PROCA1: variants seen among roughly 807,000 people sequenced by gnomAD.
PROCA1 encodes protein interacting with cyclin A1, also known as protein PROCA1.
In PROCA1, 22 loss-of-function variants were observed where a neutral mutation model predicts 23.2. That is an observed-to-expected ratio of 0.95 (90% CI 0.68 to 1.35). PROCA1 has a LOEUF of 1.35. PROCA1 is among the 40% of genes most tolerant of loss of function. PROCA1 has a pLI of 0.00. For missense variants in PROCA1, 469 were observed against 459.8 expected (o/e 1.02, Z -0.18); for synonymous variants, 182 against 179.2 (o/e 1.02, Z -0.12).
At chr17:28,704,883 G>GA (rs771342214) in intron 2 of PROCA1, 40 bp from the exon 3 acceptor site, 1 of 1,599,870 alleles carries the variant, frequency 6.3e-7, no homozygotes, top group Admixed American at 1.7e-5. Context: ...AGCAGCCGCA[G>GA]ACCTCTGGGT....
chr17:28,707,698 ACAT>A (rs1195104947), intron 1 of PROCA1: 4 of 152,206 alleles, frequency 2.6e-5, no homozygotes, highest in African/African-American at 9.6e-5. Flanking sequence ...CAGGCTATAG[ACAT>A]CATAAAACAA....
At chr17:28,709,285 T>C (rs558875274) in intron 1 of PROCA1, among the ~76,000 whole-genome samples, 1 of 152,072 alleles carries the variant, frequency 6.6e-6, no homozygotes, top group East Asian at 2.0e-4. Context: ...TGAGAGAGTC[T>C]GGCTGTGTCG....
At chr17:28,708,731 G>GAAAAAAAAAAACA (rs1555553138) in intron 1 of PROCA1, among the ~76,000 whole-genome samples, 3 of 100,980 alleles carry the variant, frequency 3.0e-5, no homozygotes, top group Non-Finnish European at 6.1e-5. Context: ...CCAGAAAAAG[G>GAAAAAAAAAAACA]AAAAAAAAAA....
rs1364755895 is a variant in PROCA1 at position 28,706,736 on chromosome 17, C to T, written c.119G>A (p.Arg40Lys). The T allele has an allele frequency of 7.7e-7, 1 of 1,303,718 alleles. No individual in the cohort carries two copies. Among genetic ancestry groups the T allele is most frequent in the Non-Finnish European group, 1.0e-6 (1 of 988,896 alleles). The allele number at this position is 1,303,718 out of a possible 1,614,324, so 80.8% of individuals were successfully genotyped here. Residue 40 changes from arginine (R) to lysine (K), a missense_variant, in exon 2 of 5, where the codon AGA becomes AAA. Physicochemically the swap from Arg to Lys is conservative, Grantham distance 26. Coordinates refer to ENST00000682792, the MANE Select transcript of PROCA1 (RefSeq NM_001366301.1). ...CGCCACACCAGCCAGCAGATGTCCTCTCTCCCAGCTGGGTAACCTGTTTAC... is the reference window on the plus strand; with the variant it reads ...CGCCACACCAGCCAGCAGATGTCCTTTCTCCCAGCTGGGTAACCTGTTTAC... The part of the protein sequence containing the change: ...RDVNRLPSWE[R>K]GHLLAGVASS...
intron 1 of PROCA1, 63 bp downstream of exon 1, chr17:28,711,507 C>A: frequency 7.1e-7 from 1 of 1,400,034 alleles, no homozygotes; most frequent in South Asian, 1.3e-5. Flanking sequence ...TTCCCGCGTG[C>A]GCCGCTCGGG....
Position 28,703,257 on chromosome 17 carries a change from G to T in PROCA1, c.*301C>A, listed in dbSNP as rs1028750189. ...GCAGACAGTACTGCCTGTCCCAGAA[G>T]TGGATTTCACACAGACCAGTCTCTC... On this transcript the variant is annotated 3_prime_UTR_variant, in exon 5 of 5. Coordinates refer to ENST00000682792, the MANE Select transcript of PROCA1 (RefSeq NM_001366301.1). The T allele has an allele frequency of 5.0e-6, 2 of 398,860 alleles. No individual in the cohort carries two copies. Among genetic ancestry groups the T allele is most frequent in the East Asian group, 9.1e-5 (2 of 21,878 alleles). 24.7% of individuals were successfully genotyped at this position (398,860 alleles called of 1,614,324 possible). A position where few individuals can be genotyped will look rare whatever the true frequency, so the allele number is the denominator to read the frequency against.
intron 2 of PROCA1, chr17:28,705,066 C>T: frequency 2.0e-6 from 1 of 502,786 alleles, no homozygotes; most frequent in Non-Finnish European, 3.6e-6. Context: ...AAGCCCCCTG[C>T]AGTCCTGTGA....
At chr17:28,708,922 G>A (rs1055716347) in intron 1 of PROCA1, among the ~76,000 whole-genome samples, 7 of 152,104 alleles carry the variant, frequency 4.6e-5, no homozygotes, top group Non-Finnish European at 8.8e-5. Flanking sequence ...CTGAGCCCAG[G>A]GAGATCGAGG....
chr17:28,704,134 A>G lies in PROCA1; in HGVS notation c.519T>C (p.Asn173=). 1.3e-6 allele frequency: 2 copies of G among 1,561,004 alleles called. No individual in the cohort carries two copies. The highest frequency in any genetic ancestry group is 1.7e-6 in the Non-Finnish European group (2 of 1,159,862). Residue 173 remains asparagine, a synonymous_variant, in exon 5 of 5, where the codon AAT becomes AAC. Transcript: ENST00000682792. ...LYHECGADDL[N]EEEEEEEEES... is the part of the protein sequence containing the mutation. ...CCTCCTCCTCCTCTTCCTCTTCTTC[A>G]TTTAGATCATCTGCCCCACACTCAT... is the stretch of plus-strand genomic sequence containing the variant.
intron 2 of PROCA1, 111 bp downstream of exon 2, chr17:28,706,569 A>G: frequency 2.9e-6 from 2 of 700,732 alleles, no homozygotes; most frequent in South Asian, 1.6e-5. Context: ...GGGCAGCTTC[A>G]GGACCACACT....
At chr17:28,710,903 T>A in intron 1 of PROCA1, 1 of 1,301,338 alleles carries the variant, frequency 7.7e-7, no homozygotes, top group Non-Finnish European at 1.0e-6. Context: ...ATCCTCCCCG[T>A]CCTGCGGGGC....
chr17:28,703,851 T>G lies in PROCA1; in HGVS notation c.802A>C (p.Lys268Gln). 6.2e-7 allele frequency: 1 copy of G among 1,614,138 alleles called. No individual in the cohort carries two copies. The highest frequency in any genetic ancestry group is 8.5e-7 in the Non-Finnish European group (1 of 1,180,026). Reference sequence around the variant, plus strand: ...GAAGGCTCCAATTTAACCGGGCTTTTCTTCTTAGTCAACTGGCCTTTCTTG... The same window carrying G: ...GAAGGCTCCAATTTAACCGGGCTTTGCTTCTTAGTCAACTGGCCTTTCTTG... ...KAKKGQLTKK[K>Q]SPVKLEPSPP... The change falls in exon 5 of 5, where the codon AAA (lysine) becomes CAA (glutamine). Residue 268 changes from lysine (K) to glutamine (Q), a missense_variant. Lys to Gln is a moderately conservative substitution (Grantham distance 53). Coordinates refer to ENST00000682792, the MANE Select transcript of PROCA1 (RefSeq NM_001366301.1).
chr17:28,711,066 G>A (rs1308591666), intron 1 of PROCA1: 1 of 1,183,266 alleles, frequency 8.5e-7, no homozygotes, highest in Non-Finnish European at 1.1e-6. Flanking sequence ...GAGGGGCAGT[G>A]CGCCCGCGTC....
chr17:28,703,327 T>G lies in PROCA1; in HGVS notation c.*231A>C, dbSNP rs1448823065. 1.8e-6 allele frequency: 1 copy of G among 563,404 alleles called. No homozygotes were observed. The highest frequency in any genetic ancestry group is 1.9e-5 in the African/African-American group (1 of 53,220). 34.9% of individuals were successfully genotyped at this position (563,404 alleles called of 1,614,324 possible). A position where few individuals can be genotyped will look rare whatever the true frequency, so the allele number is the denominator to read the frequency against. On this transcript the variant is annotated 3_prime_UTR_variant, in exon 5 of 5. Coordinates refer to ENST00000682792, the MANE Select transcript of PROCA1 (RefSeq NM_001366301.1). The stretch of plus-strand genomic sequence containing the variant: ...CTCCTTCCCACCCCAGATACACTCT[T>G]CCACCTTGTCCTAGCAGGTAGGAAG...
At chr17:28,708,221 G>T (rs1156957598) in intron 1 of PROCA1, among the ~76,000 whole-genome samples, 1 of 152,158 alleles carries the variant, frequency 6.6e-6, no homozygotes, top group Admixed American at 6.5e-5. Context: ...TGTTGGACAG[G>T]CTGGTCTCGA....
intron 2 of PROCA1, chr17:28,705,047 AC>A: frequency 1.8e-6 from 1 of 549,346 alleles, no homozygotes; most frequent in East Asian, 3.2e-5. Flanking sequence ...TACACAGGAG[AC>A]CCTTATCAAG....
chr17:28,704,924 A>G, intron 2 of PROCA1, 81 bp from the exon 3 acceptor site: 2 of 1,365,630 alleles, frequency 1.5e-6, no homozygotes, highest in Non-Finnish European at 2.0e-6. Context: ...AACCTCACCA[A>G]ATTCACCTGC....
intron 1 of PROCA1, among the ~76,000 whole-genome samples, chr17:28,708,731 G>GAAAAAAAAAAAAAAAAAAAAAA (rs557817689): frequency 9.9e-6 from 1 of 100,980 alleles, no homozygotes; most frequent in Admixed American, 1.0e-4. Context: ...CCAGAAAAAG[G>GAAAAAAAAAAAAAAAAAAAAAA]AAAAAAAAAA....
At chr17:28,704,552 C>G in intron 3 of PROCA1, 117 bp from the exon 4 acceptor site, 1 of 1,544,270 alleles carries the variant, frequency 6.5e-7, no homozygotes, top group Non-Finnish European at 8.7e-7. Context: ...GACCTCCTCC[C>G]CATTTCTCTT....
Sources: allele counts gnomAD v4.1 joint callset (sites outside exome capture counted in the v4.1 genomes callset), GRCh38; gene constraint gnomAD v4.1.1; transcripts MANE v1.5; gene names NCBI Gene and HGNC (gene_info 2026-07-23, HGNC 2026-07-21).